UTP15: variants seen among roughly 807,000 people sequenced by gnomAD.
The protein encoded by UTP15 is UTP15 small subunit processome component.
UTP15 carries 5 observed loss-of-function variants against 59.1 expected under a neutral mutation model. That is an observed-to-expected ratio of 0.08 (90% CI 0.04 to 0.18). The LOEUF (loss-of-function observed/expected upper bound fraction) is 0.18, where lower values mean the gene tolerates loss of function less well. Among genes scored for constraint, UTP15 ranks in the 10% least tolerant of loss-of-function variants. The probability of loss-of-function intolerance (pLI) is 1.00; values close to 1 mark genes in which losing one functional copy is unlikely to be tolerated. For synonymous variants in UTP15, 211 were observed against 212.2 expected (o/e 0.99, Z 0.05); for missense variants, 494 against 616.7 (o/e 0.80, Z 2.11).
intron 6 of UTP15, 146 bp downstream of exon 6, chr5:73,570,857 C>A: frequency 2.6e-6 from 3 of 1,153,854 alleles, no homozygotes; most frequent in South Asian, 3.0e-5. Context: ...GACTGGCAAG[C>A]AGTTATCATT....
Position 73,570,505 on chromosome 5 carries a change from C to T in UTP15, c.548-81C>T. On this transcript the variant is annotated intron_variant, in intron 5 of 12. Transcript: ENST00000296792. ...TAAAACTCCATCTAAGCTTTTTTTC[C>T]TTTTAAAATTTATATCTGGATACAC... 7.0e-6 allele frequency: 10 copies of T among 1,428,148 alleles called. No individual in the cohort carries two copies. In the Admixed American group the frequency reaches 1.3e-4, roughly 19 times the overall value. 88.5% of individuals were successfully genotyped at this position (1,428,148 alleles called of 1,614,324 possible). A position where few individuals can be genotyped will look rare whatever the true frequency, so the allele number is the denominator to read the frequency against.
intron 5 of UTP15, among the ~76,000 whole-genome samples, chr5:73,570,023 G>A (rs1747885419): frequency 6.6e-6 from 1 of 152,032 alleles, no homozygotes; most frequent in Admixed American, 6.6e-5. Context: ...TTGTAGAGAC[G>A]GTTTTGCCAT....
Position 73,576,836 on chromosome 5 carries a change from T to A in UTP15, c.810-116T>A, listed in dbSNP as rs934582414. 1.3e-5 allele frequency: 9 copies of A among 718,732 alleles called. No individual in the cohort carries two copies. In the South Asian group the frequency reaches 1.3e-4, roughly 10 times the overall value. The allele number at this position is 718,732 out of a possible 1,614,324, so 44.5% of individuals were successfully genotyped here. On this transcript the variant is annotated intron_variant, in intron 7 of 12. Transcript: ENST00000296792. ...TTGTAATTAACATTACTAATCTTTGTTTTTCTTCACTGTTGTACAGATTTT... is the reference window on the plus strand; with the variant it reads ...TTGTAATTAACATTACTAATCTTTGATTTTCTTCACTGTTGTACAGATTTT...
intron 9 of UTP15, 97 bp downstream of exon 9, chr5:73,578,102 A>C: frequency 7.7e-7 from 1 of 1,303,936 alleles, no homozygotes; most frequent in South Asian, 1.4e-5. Flanking sequence ...TTCACATGGC[A>C]CTTTATTTTG....
rs1747845856 is a variant in UTP15 at position 73,568,480 on chromosome 5, A to C, written c.244A>C (p.Thr82Pro). 6.2e-7 allele frequency: 1 copy of C among 1,613,986 alleles called. No homozygotes were observed. Among genetic ancestry groups the C allele is most frequent in the Non-Finnish European group, 8.5e-7 (1 of 1,179,984 alleles). The change falls in exon 4 of 13, where the codon ACA (threonine) becomes CCA (proline). Residue 82 changes from threonine to proline, a missense_variant. Coordinates refer to ENST00000296792, the MANE Select transcript of UTP15 (RefSeq NM_032175.4). The stretch of plus-strand genomic sequence containing the variant: ...AAAAACCTTTTCTCGATTTAAAGAC[A>C]CAGCATACTGTGCTACTTTTCGACA... ...PIKTFSRFKD[T>P]AYCATFRQDG...
At chr5:73,570,853 C>A in intron 6 of UTP15, 142 bp downstream of exon 6, 1 of 1,180,428 alleles carries the variant, frequency 8.5e-7, no homozygotes, top group Non-Finnish European at 1.2e-6. Flanking sequence ...GTAGGACTGG[C>A]AAGCAGTTAT....
In UTP15 at chr5:73,572,539, G is replaced by C. The variant is rs1209618815; in HGVS notation, c.724G>C (p.Val242Leu). Residue 242 changes from valine to leucine, a missense_variant, in exon 7 of 13, where the codon GTA (valine) becomes CTA (leucine). Transcript: ENST00000296792. ...WDMLKGGQLL[V>L]SLKNHHKTVT... ...CATGTTAAAAGGAGGACAATTGCTA[G>C]TATCTTTGAAAAATCATCACAAAAC... 2 of 1,614,168 alleles carry C rather than the reference G, an allele frequency of 1.2e-6. No homozygotes were observed. Among genetic ancestry groups the C allele is most frequent in the South Asian group, 2.2e-5 (2 of 91,082 alleles).
chr5:73,565,846 C>G lies in UTP15; in HGVS notation c.-150C>G. The G allele has an allele frequency of 2.2e-6, 1 of 456,312 alleles. No individual in the cohort carries two copies. Among genetic ancestry groups the G allele is most frequent in the Non-Finnish European group, 4.4e-6 (1 of 226,972 alleles). The allele number at this position is 456,312 out of a possible 1,614,324, so 28.3% of individuals were successfully genotyped here. A position where few individuals can be genotyped will look rare whatever the true frequency, so the allele number is the denominator to read the frequency against. ...CTGCTGAACTGTGCAGGGTAGGGAG[C>G]TGGCACAGTCCGATTAATTGTCCTT... On this transcript the variant is annotated 5_prime_UTR_variant, in exon 1 of 13. Coordinates refer to ENST00000296792, the MANE Select transcript of UTP15 (RefSeq NM_032175.4).
chr5:73,579,742 T>C (rs343121), intron 12 of UTP15, 135 bp from the exon 13 acceptor site: 3 of 502,990 alleles, frequency 6.0e-6, no homozygotes, highest in African/African-American at 4.0e-5. Flanking sequence ...TATAAATCAT[T>C]AATTAATTAT....
At chr5:73,574,512 G>T in intron 7 of UTP15, among the ~76,000 whole-genome samples, 1 of 148,714 alleles carries the variant, frequency 6.7e-6, no homozygotes, top group Non-Finnish European at 1.5e-5. Flanking sequence ...TTTTGAGACA[G>T]GGTTTTGCTC....
chr5:73,567,849 T>C (rs957060896), intron 2 of UTP15, among the ~76,000 whole-genome samples: 2 of 152,244 alleles, frequency 1.3e-5, no homozygotes, highest in African/African-American at 4.8e-5. Context: ...AAAGCTAATA[T>C]GTGTTACTAA....
At chr5:73,578,287 G>A (rs974360128) in intron 9 of UTP15, 5 of 334,530 alleles carry the variant, frequency 1.5e-5, no homozygotes, top group African/African-American at 6.7e-5. Flanking sequence ...TAAATCCCAA[G>A]AAGTAGTAGA....
At chr5:73,578,146 T>C (rs1167619356) in intron 9 of UTP15, 141 bp downstream of exon 9, 4 of 806,054 alleles carry the variant, frequency 5.0e-6, no homozygotes, top group Non-Finnish European at 7.6e-6. Context: ...TCTAGATTGC[T>C]AGATTGGGGA....
At position 73,579,868 on chromosome 5, in the gene UTP15, T is replaced by C; in HGVS notation, c.1340-9T>C. 1 of 1,560,346 alleles carries C rather than the reference T, an allele frequency of 6.4e-7. No individual in the cohort carries two copies. Among genetic ancestry groups the C allele is most frequent in the South Asian group, 1.2e-5 (1 of 82,256 alleles). The stretch of plus-strand genomic sequence containing the variant: ...TGCTAGTTAATGTGTTTTCTTTCTC[T>C]CTTTTTAGATATATATCTGCCTGTA... On this transcript the variant is annotated splice_polypyrimidine_tract_variant and intron_variant, in intron 12 of 12. Transcript: ENST00000296792.
chr5:73,578,921 A>G, intron 10 of UTP15, 69 bp downstream of exon 10: 1 of 1,599,626 alleles, frequency 6.3e-7, no homozygotes, highest in Non-Finnish European at 8.6e-7. Flanking sequence ...TGGAACTGTG[A>G]AGATAAATAT....
At chr5:73,572,420 G>T (rs1001603172) in intron 6 of UTP15, 69 bp from the exon 7 acceptor site, 1 of 1,579,966 alleles carries the variant, frequency 6.3e-7, no homozygotes, top group African/African-American at 1.4e-5. Flanking sequence ...AGAGAAGAAT[G>T]CTTTTCAGAT....
chr5:73,577,827 G>A, intron 8 of UTP15, 29 bp from the exon 9 acceptor site: 1 of 1,561,830 alleles, frequency 6.4e-7, no homozygotes, highest in South Asian at 1.2e-5. Context: ...GTTAAGAATA[G>A]ACTAACTTAT....
At chr5:73,574,558 G>T (rs1748033111) in intron 7 of UTP15, among the ~76,000 whole-genome samples, 1 of 151,594 alleles carries the variant, frequency 6.6e-6, no homozygotes, top group Non-Finnish European at 1.5e-5. Context: ...CATGATCTTG[G>T]CTGACTGCAA....
chr5:73,579,743 A>G, intron 12 of UTP15, 134 bp from the exon 13 acceptor site: 1 of 504,654 alleles, frequency 2.0e-6, no homozygotes, highest in Non-Finnish European at 3.3e-6. Flanking sequence ...ATAAATCATT[A>G]ATTAATTATA....
Sources: allele counts gnomAD v4.1 joint callset (sites outside exome capture counted in the v4.1 genomes callset), GRCh38; gene constraint gnomAD v4.1.1; transcripts MANE v1.5; gene names NCBI Gene and HGNC (gene_info 2026-07-23, HGNC 2026-07-21).